SLC60A2: variants seen among roughly 807,000 people sequenced by gnomAD.
The protein encoded by SLC60A2 is major facilitator superfamily domain containing 4B.
At chr6:111,275,502 T>C in the SLC60A2 span, among the ~76,000 whole-genome samples, 1 of 151,668 alleles carries the variant, frequency 6.6e-6, no homozygotes, top group Non-Finnish European at 1.5e-5. Context: ...CTCCAGCTCC[T>C]GGGTTTAAGT....
the SLC60A2 span, among the ~76,000 whole-genome samples, chr6:111,274,707 T>C: frequency 6.6e-6 from 1 of 152,210 alleles, no homozygotes; most frequent in Admixed American, 6.5e-5. Context: ...CTTTTGTATG[T>C]TTTCATGATG....
chr6:111,272,393 T>G, the SLC60A2 span, among the ~76,000 whole-genome samples: 1 of 152,222 alleles, frequency 6.6e-6, no homozygotes, highest in African/African-American at 2.4e-5. Context: ...ATAATTTCTT[T>G]GTGTTAGGAA....
chr6:111,264,246 C>T, the SLC60A2 span, among the ~76,000 whole-genome samples: 1 of 152,090 alleles, frequency 6.6e-6, no homozygotes, highest in Non-Finnish European at 1.5e-5. Flanking sequence ...GGTGAATAGG[C>T]CTTCATCTTG....
chr6:111,278,850 A>G, the SLC60A2 span: 1 of 152,226 alleles, frequency 6.6e-6, no homozygotes, highest in Non-Finnish European at 1.5e-5. Flanking sequence ...TTTTGCTTCT[A>G]CACCCTCCAG....
At chr6:111,259,379 C>A in the SLC60A2 span, 53 of 361,012 alleles carry the variant, frequency 1.5e-4, no homozygotes, top group African/African-American at 9.8e-4. Flanking sequence ...TGCGGCGTGC[C>A]GAAGTTCCTC....
At chr6:111,265,547 A>C in the SLC60A2 span, 2 of 172,542 alleles carry the variant, frequency 1.2e-5, no homozygotes, top group African/African-American at 4.8e-5. Context: ...TTAAAATATT[A>C]ATATATAAAT....
At chr6:111,266,237 A>C in the SLC60A2 span, 8 of 1,614,078 alleles carry the variant, frequency 5.0e-6, no homozygotes, top group Non-Finnish European at 5.9e-6. Context: ...GAAGAGCAAA[A>C]TATCACAACG....
chr6:111,272,311 A>G, the SLC60A2 span, among the ~76,000 whole-genome samples: 2 of 151,984 alleles, frequency 1.3e-5, no homozygotes, highest in African/African-American at 4.8e-5. Flanking sequence ...CCCACCTGTG[A>G]TATTTTGATA....
At chr6:111,275,836 A>G in the SLC60A2 span, among the ~76,000 whole-genome samples, 1 of 152,246 alleles carries the variant, frequency 6.6e-6, no homozygotes, top group East Asian at 1.9e-4. Context: ...GGCATTAAGT[A>G]TATTCACATT....
the SLC60A2 span, chr6:111,266,081 G>T: frequency 1.2e-6 from 2 of 1,614,170 alleles, no homozygotes; most frequent in Non-Finnish European, 1.7e-6. Flanking sequence ...CAGAAGCTCT[G>T]TTTGGAGTAC....
the SLC60A2 span, chr6:111,266,144 C>T: frequency 1.2e-6 from 2 of 1,613,160 alleles, no homozygotes; most frequent in East Asian, 2.2e-5. Context: ...CTTACATGTT[C>T]TTAGTTTCTG....
chr6:111,262,141 C>A, the SLC60A2 span: 2 of 745,344 alleles, frequency 2.7e-6, no homozygotes, highest in East Asian at 2.8e-5. Context: ...CCCTACATTA[C>A]ATTGTAAATC....
At chr6:111,265,467 C>A in the SLC60A2 span, 1 of 797,358 alleles carries the variant, frequency 1.3e-6, no homozygotes, top group Non-Finnish European at 1.5e-6. Flanking sequence ...TGGCTACCAA[C>A]AGCAAGTACA....
At chr6:111,271,167 C>CAAAAAAAAA in the SLC60A2 span, 2 of 73,582 alleles carry the variant, frequency 2.7e-5, no homozygotes, top group African/African-American at 5.5e-5. Context: ...GACTCCATCT[C>CAAAAAAAAA]AAAAAAAAAA....
chr6:111,262,886 G>T, the SLC60A2 span, among the ~76,000 whole-genome samples: 2 of 152,072 alleles, frequency 1.3e-5, no homozygotes, highest in East Asian at 3.9e-4. Flanking sequence ...CCATGTTGTC[G>T]TTGGACAACC....
chr6:111,276,857 C>A, the SLC60A2 span, among the ~76,000 whole-genome samples: 1 of 152,092 alleles, frequency 6.6e-6, no homozygotes, highest in African/African-American at 2.4e-5. Flanking sequence ...TTCTATATAT[C>A]TCTGGTCCAG....
chr6:111,274,830 C>A, the SLC60A2 span, among the ~76,000 whole-genome samples: 5 of 152,052 alleles, frequency 3.3e-5, no homozygotes, highest in Non-Finnish European at 7.4e-5. Context: ...TTAATTATGT[C>A]TTGTCTTATT....
chr6:111,259,602 G>T, the SLC60A2 span: 4 of 1,360,848 alleles, frequency 2.9e-6, no homozygotes, highest in Middle Eastern at 2.7e-4. Context: ...GCTCCTGCAG[G>T]CGGAGGCCCC....
At chr6:111,279,884 G>A in the SLC60A2 span, among the ~76,000 whole-genome samples, 1 of 152,072 alleles carries the variant, frequency 6.6e-6, no homozygotes, top group South Asian at 2.1e-4. Context: ...ACACTGCAGT[G>A]AGCCATGATC....
Sources: gnomAD v4.1 joint callset for allele counts (sites outside exome capture counted in the v4.1 genomes callset) on GRCh38, gnomAD v4.1.1 for gene constraint, MANE v1.5 for transcripts, NCBI Gene and HGNC (gene_info 2026-07-23, HGNC 2026-07-21) for gene names.